TCAF1: variants seen among roughly 807,000 people sequenced by gnomAD.
TCAF1 encodes the protein TRPM8 channel-associated factor 1.
In TCAF1, 4 loss-of-function variants were observed where a neutral mutation model predicts 27.3. The observed-to-expected ratio is 0.15, with a 90% CI of 0.07 to 0.34. The LOEUF is 0.34. Ranked by LOEUF, TCAF1 falls within the 10% of genes least tolerant of loss-of-function variation. TCAF1 has a pLI of 1.00. For missense variants in TCAF1, 257 were observed against 425.8 expected, an observed-to-expected ratio of 0.60 and a Z score of 3.49; for synonymous variants, 105 against 167.1, an observed-to-expected ratio of 0.63 and a Z score of 2.87.
intron 1 of TCAF1, 119 bp from the exon 2 acceptor site, chr7:143,876,741 A>G: frequency 1.4e-6 from 1 of 717,096 alleles, no homozygotes; most frequent in Non-Finnish European, 2.0e-6. Context: ...TGAGGCTGAC[A>G]CTGGGAAATG....
At chr7:143,868,067 G>C (rs1171458941) in intron 2 of TCAF1, among the ~76,000 whole-genome samples, 1 of 83,466 alleles carries the variant, frequency 1.2e-5, no homozygotes. Flanking sequence ...GCCTATGTTA[G>C]TTCCATTTCA....
At chr7:143,859,377 CAGA>C (rs1811743395) in intron 6 of TCAF1, among the ~76,000 whole-genome samples, 1 of 141,420 alleles carries the variant, frequency 7.1e-6, no homozygotes, top group Admixed American at 7.4e-5. Context: ...TACTCTGACC[CAGA>C]ATAGTGTGGC....
intron 1 of TCAF1, among the ~76,000 whole-genome samples, chr7:143,895,936 G>C: frequency 8.7e-6 from 1 of 115,494 alleles, no homozygotes. Context: ...GGAAAAAAAT[G>C]GGTGGGGGGA....
chr7:143,897,097 G>A (rs1490100951), intron 1 of TCAF1, among the ~76,000 whole-genome samples: 3 of 134,038 alleles, frequency 2.2e-5, no homozygotes, highest in Non-Finnish European at 4.8e-5. Context: ...CAGAATGAGA[G>A]GATTTTATAA....
At chr7:143,883,470 G>T (rs1174171728) in intron 1 of TCAF1, among the ~76,000 whole-genome samples, 1 of 142,958 alleles carries the variant, frequency 7.0e-6, no homozygotes, top group African/African-American at 2.6e-5. Context: ...TCGGTGTACA[G>T]TTCAAATCGC....
At chr7:143,894,958 C>A (rs1813805189) in intron 1 of TCAF1, among the ~76,000 whole-genome samples, 2 of 151,516 alleles carry the variant, frequency 1.3e-5, no homozygotes, top group South Asian at 4.1e-4. Flanking sequence ...ATTCAAATGG[C>A]CAATAAGCAT....
At chr7:143,898,822 G>C (rs1814000913) in intron 1 of TCAF1, among the ~76,000 whole-genome samples, 1 of 152,146 alleles carries the variant, frequency 6.6e-6, no homozygotes, top group African/African-American at 2.4e-5. Flanking sequence ...CCAATGCAAT[G>C]GTGTTAAGAG....
At chr7:143,884,354 T>C (rs2116825872) in intron 1 of TCAF1, among the ~76,000 whole-genome samples, 1 of 152,148 alleles carries the variant, frequency 6.6e-6, no homozygotes, top group Non-Finnish European at 1.5e-5. Context: ...GCGGCAGGTT[T>C]TATGTAAAGG....
At chr7:143,897,713 C>CTATT (rs1813953228) in intron 1 of TCAF1, among the ~76,000 whole-genome samples, 4 of 151,990 alleles carry the variant, frequency 2.6e-5, no homozygotes, top group Admixed American at 2.6e-4. Context: ...ATAGGAAAAC[C>CTATT]TAAATAGTAC....
intron 1 of TCAF1, among the ~76,000 whole-genome samples, chr7:143,880,053 T>C (rs1289683319): frequency 6.6e-6 from 1 of 152,242 alleles, no homozygotes; most frequent in Non-Finnish European, 1.5e-5. Context: ...CACTATGATA[T>C]GCAGAACATG....
rs1811869901 is a variant in TCAF1, at chr7:143,859,981, T to TG, written c.2167+226_2167+227insC. On this transcript the variant is annotated intron_variant, in intron 6 of 8. Transcript: ENST00000479870. The stretch of plus-strand genomic sequence containing the variant: ...CGGAATATATATTATATAATATATA[T>TG]TATATAATATATATTATATAATATA... Among the ~76,000 whole-genome samples, 3 of 43,504 alleles carry TG rather than the reference T, an allele frequency of 6.9e-5. 1 individual carries two copies. Among genetic ancestry groups the TG allele is most frequent in the African/African-American group, 2.7e-4 (3 of 11,054 alleles). The allele number at this position is 43,504 out of a possible 152,430, so 28.5% of individuals were successfully genotyped here. A position where few individuals can be genotyped will look rare whatever the true frequency, so the allele number is the denominator to read the frequency against.
chr7:143,888,099 T>G (rs1248372659), intron 1 of TCAF1, among the ~76,000 whole-genome samples: 2 of 152,220 alleles, frequency 1.3e-5, no homozygotes, highest in Non-Finnish European at 2.9e-5. Context: ...TGCAAATATC[T>G]AACTTTAATA....
intron 1 of TCAF1, chr7:143,886,487 C>A (rs967061284): frequency 6.0e-5 from 59 of 984,588 alleles, no homozygotes; most frequent in Non-Finnish European, 6.8e-5. Flanking sequence ...TTTATTCTTT[C>A]TATTCCCCAC....
rs527434172 is a variant in TCAF1, at chr7:143,901,797, G to A, written c.-15+164C>T. 5.9e-5 allele frequency among the ~76,000 whole-genome samples: 9 copies of A among 152,322 alleles called. No homozygotes were observed. The East Asian group carries it at 1.7e-3, about 30-fold the overall frequency. On this transcript the variant is annotated intron_variant, in intron 1 of 8. Coordinates refer to ENST00000479870, the MANE Select transcript of TCAF1 (RefSeq NM_014719.3). ...ATGCGGCGAGAATGAAATAGGCACCGAGCTGCAGAGAAAAATCATCAACGG... is the reference window on the plus strand; with the variant it reads ...ATGCGGCGAGAATGAAATAGGCACCAAGCTGCAGAGAAAAATCATCAACGG...
chr7:143,887,477 A>G (rs1270380295), intron 1 of TCAF1, among the ~76,000 whole-genome samples: 1 of 152,150 alleles, frequency 6.6e-6, no homozygotes, highest in African/African-American at 2.4e-5. Context: ...TTCTTTAGAC[A>G]CTTTGGATTT....
chr7:143,874,633 T>C (rs1812588856), intron 2 of TCAF1, among the ~76,000 whole-genome samples: 1 of 151,254 alleles, frequency 6.6e-6, no homozygotes, highest in Non-Finnish European at 1.5e-5. Flanking sequence ...CAAGGGACAG[T>C]AGGAGCTTCT....
intron 1 of TCAF1, among the ~76,000 whole-genome samples, chr7:143,887,970 G>A (rs992945616): frequency 3.9e-5 from 6 of 152,134 alleles, no homozygotes; most frequent in African/African-American, 7.2e-5. Flanking sequence ...ACACAAAGGC[G>A]ACTTCTGGGT....
chr7:143,885,407 G>C, intron 1 of TCAF1: 1 of 985,466 alleles, frequency 1.0e-6, no homozygotes, highest in African/African-American at 1.7e-5. Context: ...ATTGGCTGCC[G>C]CGGGTGGAGG....
At chr7:143,865,060 A>T in intron 2 of TCAF1, among the ~76,000 whole-genome samples, 1 of 152,002 alleles carries the variant, frequency 6.6e-6, no homozygotes, top group Middle Eastern at 3.4e-3. Context: ...TTTAAAATTC[A>T]TTTTCAATTG....
Sources: gnomAD v4.1 joint callset for allele counts (sites outside exome capture counted in the v4.1 genomes callset) on GRCh38, gnomAD v4.1.1 for gene constraint, MANE v1.5 for transcripts, NCBI Gene and HGNC (gene_info 2026-07-23, HGNC 2026-07-21) for gene names.